Variants in MED27 observed in about 807,000 individuals in gnomAD.
The protein encoded by MED27 is mediator of RNA polymerase II transcription subunit 27.
In MED27, 30 loss-of-function variants were observed where a neutral mutation model predicts 38.2. The ratio of observed to expected loss-of-function variants is 0.79; its 90% CI spans 0.59 to 1.07. The LOEUF is 1.07. Among genes scored for constraint, MED27 ranks in the 50% least tolerant of loss-of-function variants. The probability of loss-of-function intolerance (pLI) is 0.00; values close to 1 mark genes in which losing one functional copy is unlikely to be tolerated. For synonymous variants in MED27, 122 were observed against 153.5 expected, an observed-to-expected ratio of 0.79 and a Z score of 1.52; for missense variants, 289 against 397.5, an observed-to-expected ratio of 0.73 and a Z score of 2.32.
At position 131,883,933 on chromosome 9, in the gene MED27, G is replaced by T; in HGVS notation, c.723+125C>A. 2 of 763,162 alleles carry T rather than the reference G, an allele frequency of 2.6e-6. No homozygotes were observed. Among genetic ancestry groups the T allele is most frequent in the Non-Finnish European group, 2.1e-6 (1 of 468,038 alleles). 47.3% of individuals were successfully genotyped at this position (763,162 alleles called of 1,614,324 possible). A position where few individuals can be genotyped will look rare whatever the true frequency, so the allele number is the denominator to read the frequency against. ...TCATACATATGGAATCAGACAGTGA[G>T]CATCCTTTTCTGTCTGGCTTTTTTC... On this transcript the variant is annotated intron_variant, in intron 6 of 7. Coordinates refer to ENST00000292035, the MANE Select transcript of MED27 (RefSeq NM_004269.4). The surrounding 1 kb of genome is among the most constrained non-coding windows in gnomAD (Gnocchi z 4.2).
At chr9:131,908,295 G>A (rs1394089835) in intron 4 of MED27, among the ~76,000 whole-genome samples, 1 of 150,296 alleles carries the variant, frequency 6.7e-6, no homozygotes, top group African/African-American at 2.4e-5. Flanking sequence ...CCGTCCGGGA[G>A]GTGAGGGGCG....
At chr9:132,060,698 C>T (rs1478102699) in intron 2 of MED27, among the ~76,000 whole-genome samples, 1 of 152,204 alleles carries the variant, frequency 6.6e-6, no homozygotes, top group Non-Finnish European at 1.5e-5. Flanking sequence ...CCTGTAATCC[C>T]AGCACACTGG....
rs117437948 is a variant in MED27 at position 131,984,057 on chromosome 9, C to T, written c.479+30280G>A. Among the ~76,000 whole-genome samples, 267 of 152,208 alleles carry T rather than the reference C, an allele frequency of 1.8e-3. 11 individuals carry two copies. In the East Asian group the frequency reaches 0.04, roughly 23 times the overall value. ...TCTTTACCCCCTTATGTCACTGTTC[C>T]CCATCCTCTGTGTTGCTCTGTCTGG... is the stretch of plus-strand genomic sequence containing the variant. On this transcript the variant is annotated intron_variant, in intron 3 of 7. Coordinates refer to ENST00000292035, the MANE Select transcript of MED27 (RefSeq NM_004269.4).
In MED27 at chr9:131,982,058, C is replaced by T. The variant is rs747430533; in HGVS notation, c.479+32279G>A. Among the ~76,000 whole-genome samples, 37 of 152,212 alleles carry T rather than the reference C, an allele frequency of 2.4e-4. No individual in the cohort carries two copies. The highest frequency in any genetic ancestry group is 2.1e-4 in the Non-Finnish European group (14 of 68,036). On this transcript the variant is annotated intron_variant, in intron 3 of 7. Transcript: ENST00000292035. The surrounding 1 kb of genome is among the most constrained non-coding windows in gnomAD (Gnocchi z 4.3). ...ATCATGCACTTCCCATGTTCTTCCA[C>T]GTTGGTAGTCTGTTTCACTCATGGT...
intron 2 of MED27, among the ~76,000 whole-genome samples, chr9:132,061,701 C>T (rs543293914): frequency 9.8e-5 from 15 of 152,362 alleles, no homozygotes; most frequent in African/African-American, 3.1e-4. Context: ...AGGCCACCCA[C>T]CGGGCCCCAG....
chr9:131,908,116 G>T (rs1007712739), intron 4 of MED27, among the ~76,000 whole-genome samples: 2 of 139,654 alleles, frequency 1.4e-5, no homozygotes, highest in African/African-American at 5.0e-5. Context: ...CACCCTGTCC[G>T]GGAGGGAGGT....
chr9:132,035,033 AC>A (rs2131109020), intron 2 of MED27, among the ~76,000 whole-genome samples: 1 of 152,306 alleles, frequency 6.6e-6, no homozygotes, highest in East Asian at 1.9e-4. Context: ...CTCCCAGGCT[AC>A]GTAACTTTTG....
At chr9:131,926,108 T>C (rs529703852) in intron 4 of MED27, among the ~76,000 whole-genome samples, 2 of 152,200 alleles carry the variant, frequency 1.3e-5, no homozygotes, top group South Asian at 4.1e-4. Context: ...CTTCTGTTCT[T>C]CTGAGCTTTA....
intron 2 of MED27, among the ~76,000 whole-genome samples, chr9:132,041,797 G>A (rs1441025154): frequency 6.6e-6 from 1 of 152,238 alleles, no homozygotes; most frequent in African/African-American, 2.4e-5. Context: ...GTGCAAACAC[G>A]TTCGTGGGGC....
rs1394496548 is a variant in MED27, at chr9:132,051,291, G to T, written c.348+26151C>A. On this transcript the variant is annotated intron_variant, in intron 2 of 7. Transcript: ENST00000292035. The surrounding 1 kb of genome is among the most constrained non-coding windows in gnomAD (Gnocchi z 4.2). ...AGCTTTCCTGAGTGGGAAAGAAAGG[G>T]GTAGAATTACAGCTAGCTAGTACAT... is the stretch of plus-strand genomic sequence containing the variant. Among the ~76,000 whole-genome samples the T allele has an allele frequency of 1.3e-5, 2 of 152,194 alleles. No individual in the cohort carries two copies. Among genetic ancestry groups the T allele is most frequent in the Non-Finnish European group, 2.9e-5 (2 of 68,040 alleles).
At chr9:131,893,271 T>C (rs1349941388) in intron 5 of MED27, among the ~76,000 whole-genome samples, 1 of 151,848 alleles carries the variant, frequency 6.6e-6, no homozygotes, top group African/African-American at 2.4e-5. Context: ...CAAACACAAA[T>C]GAAGGCTGTC....
At chr9:131,933,821 C>T (rs1830634140) in intron 4 of MED27, among the ~76,000 whole-genome samples, 1 of 151,900 alleles carries the variant, frequency 6.6e-6, no homozygotes, top group Non-Finnish European at 1.5e-5. Flanking sequence ...TCCAGAATAG[C>T]AAAAGCTACC....
In MED27 at chr9:131,927,827, T is replaced by C. The variant is rs114538119; in HGVS notation, c.573+11554A>G. 3.7e-3 allele frequency among the ~76,000 whole-genome samples: 558 copies of C among 152,290 alleles called. 3 individuals are homozygous for C. Among genetic ancestry groups the C allele is most frequent in the African/African-American group, 0.013 (541 of 41,554 alleles). On this transcript the variant is annotated intron_variant, in intron 4 of 7. Transcript: ENST00000292035. ...TATACTCTGAAGAAACTGTCGATGA[T>C]GGACTGAGACTCCCAATTACAGACT...
At chr9:131,926,988 G>T (rs1178804171) in intron 4 of MED27, among the ~76,000 whole-genome samples, 1 of 152,044 alleles carries the variant, frequency 6.6e-6, no homozygotes, top group Non-Finnish European at 1.5e-5. Flanking sequence ...TTTAAATGCC[G>T]AGAGAAGCCA....
At chr9:131,901,670 T>A (rs1210528471) in intron 4 of MED27, among the ~76,000 whole-genome samples, 3 of 152,114 alleles carry the variant, frequency 2.0e-5, no homozygotes, top group African/African-American at 7.3e-5. Context: ...CAAATGGGGT[T>A]CCAAATGGGA....
At chr9:132,025,919 T>C (rs1390083117) in intron 2 of MED27, among the ~76,000 whole-genome samples, 1 of 152,184 alleles carries the variant, frequency 6.6e-6, no homozygotes, top group Non-Finnish European at 1.5e-5. Context: ...GAAGAACTTG[T>C]ATCTGATGAA....
rs183653365 is a variant in MED27 at position 131,878,783 on chromosome 9, T to C, written c.723+5275A>G. 1.9e-3 allele frequency among the ~76,000 whole-genome samples: 290 copies of C among 152,298 alleles called. 1 individual carries two copies. The highest frequency in any genetic ancestry group is 6.3e-3 in the African/African-American group (260 of 41,552). ...GAAAAATATGAACACGCTTGAAACC[T>C]TTCCTGGCTCTTTGTGATTCTGCCC... On this transcript the variant is annotated intron_variant, in intron 6 of 7. Coordinates refer to ENST00000292035, the MANE Select transcript of MED27 (RefSeq NM_004269.4).
In MED27 at chr9:131,872,386, T is replaced by A. The variant is rs1838853518; in HGVS notation, c.724-9246A>T. Reference sequence around the variant, plus strand: ...CGCCTCTACTATTCGGAGTATTTCCTCACAAGATTAGTAAACAGGGAAAGT... The same window carrying A: ...CGCCTCTACTATTCGGAGTATTTCCACACAAGATTAGTAAACAGGGAAAGT... On this transcript the variant is annotated intron_variant, in intron 6 of 7. Coordinates refer to ENST00000292035, the MANE Select transcript of MED27 (RefSeq NM_004269.4). This position sits in a 1 kb window ranked among gnomAD's most constrained non-coding sequence, Gnocchi z 5.6. Among the ~76,000 whole-genome samples, 1 of 152,202 alleles carries A rather than the reference T, an allele frequency of 6.6e-6. No homozygotes were observed. Among genetic ancestry groups the A allele is most frequent in the Non-Finnish European group, 1.5e-5 (1 of 68,036 alleles).
chr9:131,906,712 C>T (rs563662789), intron 4 of MED27, among the ~76,000 whole-genome samples: 7 of 152,194 alleles, frequency 4.6e-5, no homozygotes, highest in African/African-American at 1.4e-4. Context: ...AGAGGGTTCT[C>T]GGATCTTGTG....
Sources: gnomAD v4.1 joint callset for allele counts (sites outside exome capture counted in the v4.1 genomes callset) on GRCh38, gnomAD v4.1.1 for gene constraint, Gnocchi (gnomAD v3.1) non-coding constraint, MANE v1.5 for transcripts, NCBI Gene and HGNC (gene_info 2026-07-23, HGNC 2026-07-21) for gene names.